Variants in VCPKMT observed in about 807,000 individuals in gnomAD.
VCPKMT encodes the protein valosin containing protein lysine methyltransferase.
A neutral mutation model predicts 28.6 loss-of-function variants in VCPKMT; 32 were observed. The ratio of observed to expected loss-of-function variants is 1.12; its 90% CI spans 0.84 to 1.50. VCPKMT has a LOEUF of 1.50. Among genes scored for constraint, VCPKMT ranks in the 40% most tolerant of loss-of-function variants. The pLI, the probability that VCPKMT is intolerant of heterozygous loss-of-function variation, is 0.00. For synonymous variants in VCPKMT, 138 were observed against 111.4 expected (o/e 1.24, Z -1.50); for missense variants, 366 against 285.0 (o/e 1.28, Z -2.05).
Position 50,109,558 on chromosome 14 carries a change from A to C in VCPKMT, c.*141T>G. The C allele has an allele frequency of 7.3e-7, 1 of 1,371,048 alleles. No homozygotes were observed. Among genetic ancestry groups the C allele is most frequent in the South Asian group, 1.9e-5 (1 of 53,968 alleles). 84.9% of individuals were successfully genotyped at this position (1,371,048 alleles called of 1,614,324 possible). A position where few individuals can be genotyped will look rare whatever the true frequency, so the allele number is the denominator to read the frequency against. On this transcript the variant is annotated 3_prime_UTR_variant, in exon 6 of 6. Coordinates refer to ENST00000395860, the MANE Select transcript of VCPKMT (RefSeq NM_024558.3). Reference sequence around the variant, plus strand: ...GTATTGCAGACAGCCCCTGGTGGTCATCATCTATACATCGGATCTCTAAGG... The same window carrying C: ...GTATTGCAGACAGCCCCTGGTGGTCCTCATCTATACATCGGATCTCTAAGG...
At chr14:50,116,214 G>A (rs60114069) in intron 1 of VCPKMT, 35 bp from the exon 2 acceptor site, 92 of 1,613,290 alleles carry the variant, frequency 5.7e-5, no homozygotes, top group Non-Finnish European at 7.5e-5. Context: ...GTAGGCACAG[G>A]GGGGAAAGCC....
intron 4 of VCPKMT, among the ~76,000 whole-genome samples, chr14:50,113,908 C>T (rs1882906095): frequency 6.7e-6 from 1 of 148,562 alleles, no homozygotes. Context: ...AGGGTGAAAC[C>T]CTGTCTCAAA....
Position 50,116,446 on chromosome 14 carries a change from C to T in VCPKMT, c.107G>A (p.Gly36Asp), listed in dbSNP as rs1566811789. 6.2e-7 allele frequency: 1 copy of T among 1,614,070 alleles called. No individual in the cohort carries two copies. The highest frequency in any genetic ancestry group is 2.2e-5 in the East Asian group (1 of 44,886). Residue 36 changes from glycine (G) to aspartate (D), a missense_variant, in exon 1 of 6, where the codon GGT becomes GAT. Physicochemically the swap from Gly to Asp is moderately conservative, Grantham distance 94 (BLOSUM62 -1). Transcript: ENST00000395860. Reference protein sequence around the residue: ...TVLRLQQYSSGGVGCVVWDAA... With the variant: ...TVLRLQQYSSDGVGCVVWDAA... ...GTCCCACACAACGCAACCCACGCCA[C>T]CGGAGCTATACTGCTGTAGTCGTAG...
chr14:50,106,722 G>T, downstream of VCPKMT: 1 of 886,928 alleles, frequency 1.1e-6, no homozygotes, highest in Non-Finnish European at 1.4e-6. Context: ...TTCCTCCTGC[G>T]GTTTTGTTTT....
rs547639984 is a variant in VCPKMT, at chr14:50,109,203, G to T, written c.*496C>A. Reference sequence around the variant, plus strand: ...GTATTAAAGATATTTTAAAAGAAATGAAGTGGAAAATACAAATGATAAATA... The same window carrying T: ...GTATTAAAGATATTTTAAAAGAAATTAAGTGGAAAATACAAATGATAAATA... On this transcript the variant is annotated 3_prime_UTR_variant, in exon 6 of 6. Coordinates refer to ENST00000395860, the MANE Select transcript of VCPKMT (RefSeq NM_024558.3). 1.6e-5 allele frequency: 14 copies of T among 892,780 alleles called. No individual in the cohort carries two copies. In the South Asian group the frequency reaches 2.6e-4, roughly 16 times the overall value. The allele number at this position is 892,780 out of a possible 1,614,324, so 55.3% of individuals were successfully genotyped here.
intron 4 of VCPKMT, 80 bp from the exon 5 acceptor site, chr14:50,112,799 C>CTT: frequency 9.8e-7 from 1 of 1,017,522 alleles, no homozygotes; most frequent in Non-Finnish European, 1.4e-6. Context: ...ATGCTGGTTA[C>CTT]TTTTTTTTTG....
downstream of VCPKMT, among the ~76,000 whole-genome samples, chr14:50,108,076 C>A (rs58107590): frequency 2.0e-5 from 3 of 150,774 alleles, no homozygotes; most frequent in African/African-American, 7.3e-5. Context: ...GTAGTTCCAG[C>A]TACTAAGGAG....
Position 50,114,239 on chromosome 14 carries a change from C to G in VCPKMT, c.570+46G>C, listed in dbSNP as rs780413466. On this transcript the variant is annotated intron_variant, in intron 4 of 5. Coordinates refer to ENST00000395860, the MANE Select transcript of VCPKMT (RefSeq NM_024558.3). The stretch of plus-strand genomic sequence containing the variant: ...TACTTGAAGAGTCACATACAGCCCC[C>G]CTGAAGGGAAATCACTACAAAGATA... 4.8e-6 allele frequency: 7 copies of G among 1,444,866 alleles called. No homozygotes were observed. The South Asian group carries it at 5.0e-5, about 10-fold the overall frequency. The allele number at this position is 1,444,866 out of a possible 1,614,324, so 89.5% of individuals were successfully genotyped here. A position where few individuals can be genotyped will look rare whatever the true frequency, so the allele number is the denominator to read the frequency against.
chr14:50,114,247 GA>G, intron 4 of VCPKMT, 37 bp downstream of exon 4: 1 of 1,458,132 alleles, frequency 6.9e-7, no homozygotes. Flanking sequence ...CCCCTGAAGG[GA>G]AATCACTACA....
chr14:50,109,672 G>C lies in VCPKMT; in HGVS notation c.*27C>G, dbSNP rs770455232. ...CATCTTTAGTTTACCCAGGTTGTTA[G>C]AGCCTTGGGTAAGATGATTAAAGGC... On this transcript the variant is annotated 3_prime_UTR_variant, in exon 6 of 6. Transcript: ENST00000395860. 1 of 1,595,202 alleles carries C rather than the reference G, an allele frequency of 6.3e-7. No individual in the cohort carries two copies. The highest frequency in any genetic ancestry group is 8.5e-7 in the Non-Finnish European group (1 of 1,172,230).
At chr14:50,105,268 G>T (rs922662162), downstream of VCPKMT, among the ~76,000 whole-genome samples, 2 of 152,092 alleles carry the variant, frequency 1.3e-5, no homozygotes, top group Admixed American at 6.5e-5. Context: ...AGAAAGGTAA[G>T]AAAAAATTAA....
downstream of VCPKMT, among the ~76,000 whole-genome samples, chr14:50,107,675 CAAATGATTTATCAAGGTTAAGTAAAGGAA>C (rs1406534471): frequency 6.6e-6 from 1 of 152,056 alleles, no homozygotes; most frequent in African/African-American, 2.4e-5. Context: ...GGAATGTATG[CAAATGATTTATCAAGGTTAAGTAAAGGAA>C]TGGGAATAGC....
At chr14:50,107,931 G>A (rs1882389775), downstream of VCPKMT, among the ~76,000 whole-genome samples, 2 of 152,092 alleles carry the variant, frequency 1.3e-5, no homozygotes, top group Admixed American at 6.6e-5. Context: ...CTCATGGCTA[G>A]TAATCCCAGC....
In VCPKMT at chr14:50,112,618, T is replaced by C. The variant is rs372599326; in HGVS notation, c.672A>G (p.Lys224=). Reference sequence around the variant, plus strand: ...AAGAACTGAGAATGTTATTTACCGATTTTTTCTTTCTGATGTATATAATAT... The same window carrying C: ...AAGAACTGAGAATGTTATTTACCGACTTTTTCTTTCTGATGTATATAATAT... ...DIHIIYIRKK[K]SKFPS Residue 224 remains lysine, a synonymous_variant, in exon 5 of 6, where the codon AAA becomes AAG. Coordinates refer to ENST00000395860, the MANE Select transcript of VCPKMT (RefSeq NM_024558.3). The C allele has an allele frequency of 2.0e-6, 3 of 1,528,990 alleles. No homozygotes were observed. Among genetic ancestry groups the C allele is most frequent in the South Asian group, 1.2e-5 (1 of 84,038 alleles). The allele number at this position is 1,528,990 out of a possible 1,614,324, so 94.7% of individuals were successfully genotyped here.
At chr14:50,112,074 G>A (rs1882699957) in intron 5 of VCPKMT, 3 of 984,848 alleles carry the variant, frequency 3.0e-6, no homozygotes, top group South Asian at 9.4e-5. Context: ...CTGCCTTGTT[G>A]TATTTCATTT....
rs556372125 is a variant in VCPKMT at position 50,112,118 on chromosome 14, AAAGGT to A, written c.675+492_675+496del. The A allele has an allele frequency of 2.4e-5, 23 of 953,012 alleles. No homozygotes were observed. In the Admixed American group the frequency reaches 4.3e-4, roughly 18 times the overall value. 59.0% of individuals were successfully genotyped at this position (953,012 alleles called of 1,614,324 possible). The stretch of plus-strand genomic sequence containing the variant: ...CAATTTTTAATAAGGAAAAGTTCAC[AAAGGT>A]AAGAGCAGGCATTTTAAAATCTCAC... On this transcript the variant is annotated intron_variant, in intron 5 of 5. Coordinates refer to ENST00000395860, the MANE Select transcript of VCPKMT (RefSeq NM_024558.3).
the VCPKMT span, among the ~76,000 whole-genome samples, chr14:50,102,740 C>T: frequency 1.3e-5 from 2 of 152,180 alleles, no homozygotes; most frequent in Non-Finnish European, 1.5e-5. Context: ...TTTAATTTTG[C>T]TTTGCAAGGA....
chr14:50,105,042 T>A (rs935680961), downstream of VCPKMT, among the ~76,000 whole-genome samples: 5 of 152,200 alleles, frequency 3.3e-5, no homozygotes, highest in African/African-American at 7.2e-5. Context: ...GCTTTTTTTT[T>A]TAATCTAATT....
At chr14:50,108,467 G>A (rs540001695), downstream of VCPKMT, among the ~76,000 whole-genome samples, 13 of 151,564 alleles carry the variant, frequency 8.6e-5, no homozygotes, top group South Asian at 2.3e-3. Flanking sequence ...GTATCTTGGC[G>A]GGGGGGAAAC....
Sources: allele counts gnomAD v4.1 joint callset (sites outside exome capture counted in the v4.1 genomes callset), GRCh38; gene constraint gnomAD v4.1.1; transcripts MANE v1.5; gene names NCBI Gene and HGNC (gene_info 2026-07-23, HGNC 2026-07-21).